The following NRG3 variants were observed in gnomAD, a reference collection of about 807,000 sequenced individuals.
NRG3 encodes the protein neuregulin 3, also known as pro-neuregulin-3, membrane-bound isoform.
Under a neutral mutation model 66.9 loss-of-function variants are expected in NRG3, and 31 were observed. The ratio of observed to expected loss-of-function variants is 0.46; its 90% CI spans 0.35 to 0.63. NRG3 has a LOEUF of 0.63. Among genes scored for constraint, NRG3 ranks in the 20% least tolerant of loss-of-function variants. The pLI, the probability that NRG3 is intolerant of heterozygous loss-of-function variation, is 0.00. For synonymous variants in NRG3, 393 were observed against 359.4 expected (o/e 1.09, Z -1.06); for missense variants, 910 against 878.9 (o/e 1.04, Z -0.45).
intron 3 of NRG3, among the ~76,000 whole-genome samples, chr10:82,789,409 A>G (rs2060495097): frequency 6.6e-6 from 1 of 152,108 alleles, no homozygotes; most frequent in Non-Finnish European, 1.5e-5. Flanking sequence ...TATTAGAAAT[A>G]AAATTTGCAA....
chr10:82,160,929 T>A (rs563280218), intron 1 of NRG3, among the ~76,000 whole-genome samples: 1 of 152,106 alleles, frequency 6.6e-6, no homozygotes, highest in African/African-American at 2.4e-5. Context: ...GGAAAAATTT[T>A]AAAAATATGT....
chr10:82,141,444 A>G (rs1228269103), intron 1 of NRG3, among the ~76,000 whole-genome samples: 2 of 152,126 alleles, frequency 1.3e-5, no homozygotes, highest in Non-Finnish European at 2.9e-5. Flanking sequence ...CCTGCTGCCT[A>G]TGGACTTGAG....
intron 2 of NRG3, among the ~76,000 whole-genome samples, chr10:82,601,233 T>G (rs990445711): frequency 6.6e-6 from 1 of 152,232 alleles, no homozygotes; most frequent in Non-Finnish European, 1.5e-5. Flanking sequence ...TTTGCTATTG[T>G]GAATAGTACT....
chr10:82,151,190 C>T (rs552193726), intron 1 of NRG3, among the ~76,000 whole-genome samples: 1 of 152,296 alleles, frequency 6.6e-6, no homozygotes, highest in South Asian at 2.1e-4. Flanking sequence ...TGGACTCACA[C>T]AGACTGGGTC....
At chr10:82,692,320 A>G (rs2249964) in intron 2 of NRG3, among the ~76,000 whole-genome samples, 86,326 of 151,616 alleles carry the variant, frequency 0.57, 27,131 homozygotes, top group Non-Finnish European at 0.68. Flanking sequence ...AATGTATGCA[A>G]TTTGTTGACT....
rs532490433 is a variant in NRG3, at chr10:82,075,213, A to G, written c.823+199050A>G. Among the ~76,000 whole-genome samples, 81 of 152,130 alleles carry G rather than the reference A, an allele frequency of 5.3e-4. 1 individual carries two copies. The South Asian group carries it at 0.011, about 21-fold the overall frequency. On this transcript the variant is annotated intron_variant, in intron 1 of 8. Transcript: ENST00000372141. ...ATTTTGCTCTTAGATTTTCTTATGT[A>G]TATGTTGGACTTCTTGATGTTTTCC...
At chr10:82,373,000 A>G (rs2084985759) in intron 2 of NRG3, among the ~76,000 whole-genome samples, 1 of 152,222 alleles carries the variant, frequency 6.6e-6, no homozygotes, top group African/African-American at 2.4e-5. Flanking sequence ...ATTGTTGAAT[A>G]ATGAAACTTT....
chr10:82,250,691 T>C (rs973160804), intron 1 of NRG3, among the ~76,000 whole-genome samples: 1 of 152,186 alleles, frequency 6.6e-6, no homozygotes, highest in Admixed American at 6.5e-5. Context: ...TTTATACCAT[T>C]TTAAAAGACC....
At chr10:82,962,740 G>A (rs1445164290) in intron 6 of NRG3, among the ~76,000 whole-genome samples, 1 of 152,120 alleles carries the variant, frequency 6.6e-6, no homozygotes. Flanking sequence ...TCGGGAGGTT[G>A]AGGTGGGAGA....
chr10:82,113,437 G>A (rs75589856), intron 1 of NRG3, among the ~76,000 whole-genome samples: 5,137 of 152,218 alleles, frequency 0.034, 126 homozygotes, highest in Non-Finnish European at 0.049. Context: ...CAGAGATGGT[G>A]TTCAGCAATT....
At chr10:82,435,707 C>T (rs868448771) in intron 2 of NRG3, among the ~76,000 whole-genome samples, 16 of 151,670 alleles carry the variant, frequency 1.1e-4, no homozygotes, top group Admixed American at 2.6e-4. Flanking sequence ...ATTATTTACC[C>T]AGGAGTCATT....
intron 1 of NRG3, among the ~76,000 whole-genome samples, chr10:82,258,169 T>TA (rs2077832881): frequency 6.6e-6 from 1 of 152,206 alleles, no homozygotes; most frequent in Non-Finnish European, 1.5e-5. Flanking sequence ...ATGCATCAGT[T>TA]AAAAATTATT....
intron 1 of NRG3, among the ~76,000 whole-genome samples, chr10:81,898,136 GC>G (rs1843691191): frequency 6.6e-6 from 1 of 152,264 alleles, no homozygotes; most frequent in Non-Finnish European, 1.5e-5. Flanking sequence ...TAGGAGGGTG[GC>G]CCCTGGAACT....
chr10:81,969,789 G>A (rs1241355738), intron 1 of NRG3, among the ~76,000 whole-genome samples: 4 of 152,062 alleles, frequency 2.6e-5, no homozygotes, highest in African/African-American at 9.7e-5. Context: ...GTGTGTGTGT[G>A]TGTGTGTGTG....
At chr10:82,631,578 T>C (rs1202653526) in intron 2 of NRG3, among the ~76,000 whole-genome samples, 1 of 150,820 alleles carries the variant, frequency 6.6e-6, no homozygotes, top group Non-Finnish European at 1.5e-5. Context: ...CCCAGATGCC[T>C]TCAGCCGTGG....
chr10:82,260,609 C>T (rs753275961), intron 1 of NRG3, among the ~76,000 whole-genome samples: 15 of 152,110 alleles, frequency 9.9e-5, no homozygotes, highest in East Asian at 7.7e-4. Context: ...GGTTTGAGAT[C>T]GCTAGAGAAG....
intron 1 of NRG3, among the ~76,000 whole-genome samples, chr10:82,017,004 A>C (rs571173508): frequency 6.6e-6 from 1 of 152,330 alleles, no homozygotes; most frequent in Admixed American, 6.5e-5. Flanking sequence ...TTACATGTGT[A>C]TACATGTGCC....
intron 1 of NRG3, among the ~76,000 whole-genome samples, chr10:82,021,265 T>C (rs2062046934): frequency 6.6e-6 from 1 of 152,084 alleles, no homozygotes; most frequent in South Asian, 2.1e-4. Flanking sequence ...CAAGGCTGCC[T>C]GGGACTGAGG....
At chr10:82,036,316 A>G (rs965648014) in intron 1 of NRG3, among the ~76,000 whole-genome samples, 1 of 152,138 alleles carries the variant, frequency 6.6e-6, no homozygotes, top group Non-Finnish European at 1.5e-5. Flanking sequence ...GGAGGCCATT[A>G]AACCCAAAGA....
Sources: gnomAD v4.1 joint callset for allele counts (sites outside exome capture counted in the v4.1 genomes callset) on GRCh38, gnomAD v4.1.1 for gene constraint, MANE v1.5 for transcripts, NCBI Gene and HGNC (gene_info 2026-07-23, HGNC 2026-07-21) for gene names.